TAFA1: variants seen among roughly 807,000 people sequenced by gnomAD.
TAFA1 encodes the protein chemokine-like protein TAFA-1.
TAFA1 carries 4 observed loss-of-function variants against 18.5 expected under a neutral mutation model. That is an observed-to-expected ratio of 0.22 (90% CI 0.11 to 0.49). The LOEUF (loss-of-function observed/expected upper bound fraction) is 0.49, where lower values mean the gene tolerates loss of function less well. Ranked by LOEUF, TAFA1 falls within the 20% of genes least tolerant of loss-of-function variation. TAFA1 has a pLI of 0.98. For synonymous variants in TAFA1, 56 were observed against 55.2 expected (o/e 1.01, Z -0.06); for missense variants, 147 against 169.0 (o/e 0.87, Z 0.72).
chr3:68,235,542 A>T lies in TAFA1; in HGVS notation c.119-181738A>T, dbSNP rs150485592. Among the ~76,000 whole-genome samples the T allele has an allele frequency of 6.6e-4, 100 of 152,262 alleles. 2 individuals are homozygous for T. In the East Asian group the frequency reaches 0.019, roughly 29 times the overall value. ...AATAAATAACAGCTTCTGGGAATGG[A>T]GAACTTTTGTTTGTATTGGCTCAAT... On this transcript the variant is annotated intron_variant, in intron 2 of 4. Coordinates refer to ENST00000478136, the MANE Select transcript of TAFA1 (RefSeq NM_213609.4).
intron 2 of TAFA1, among the ~76,000 whole-genome samples, chr3:68,179,135 A>C (rs1203092692): frequency 1.3e-5 from 2 of 152,218 alleles, no homozygotes; most frequent in Non-Finnish European, 2.9e-5. Flanking sequence ...AACACACATC[A>C]TCATTCATAA....
At chr3:68,029,590 G>T (rs1234625181) in intron 2 of TAFA1, among the ~76,000 whole-genome samples, 1 of 152,088 alleles carries the variant, frequency 6.6e-6, no homozygotes, top group Non-Finnish European at 1.5e-5. Context: ...TGAAGCCTGG[G>T]ACCTCCTTGT....
chr3:68,376,429 C>T (rs2069819049), intron 2 of TAFA1, among the ~76,000 whole-genome samples: 1 of 151,956 alleles, frequency 6.6e-6, no homozygotes, highest in Non-Finnish European at 1.5e-5. Flanking sequence ...CAAGTAGGCC[C>T]CTGTGTGTGT....
chr3:68,410,592 C>A (rs1380387779), intron 2 of TAFA1, among the ~76,000 whole-genome samples: 5 of 149,288 alleles, frequency 3.3e-5, no homozygotes, highest in African/African-American at 1.2e-4. Flanking sequence ...TCCATACTAG[C>A]CTGTTCTTTA....
intron 3 of TAFA1, among the ~76,000 whole-genome samples, chr3:68,491,012 T>C (rs1254684850): frequency 6.6e-6 from 1 of 151,960 alleles, no homozygotes; most frequent in Non-Finnish European, 1.5e-5. Flanking sequence ...CTAAGTTTTG[T>C]ACTTTTTATA....
At position 68,040,909 on chromosome 3, in the gene TAFA1, CTT is replaced by C. The variant is rs759997386; in HGVS notation, c.118+34171_118+34172del. On this transcript the variant is annotated intron_variant, in intron 2 of 4. Transcript: ENST00000478136. The stretch of plus-strand genomic sequence containing the variant: ...TAGTAAATTCCTTTCTGTTTCAAAA[CTT>C]TTTTTCTTTAATAACACATACATCG... Among the ~76,000 whole-genome samples the C allele has an allele frequency of 3.9e-5, 6 of 152,254 alleles. No individual in the cohort carries two copies. In the South Asian group the frequency reaches 1.2e-3, roughly 32 times the overall value.
chr3:68,142,597 A>AATCTGTTTTGATTTGTGTGTG (rs1200625438), intron 2 of TAFA1, among the ~76,000 whole-genome samples: 1 of 152,196 alleles, frequency 6.6e-6, no homozygotes, highest in East Asian at 1.9e-4. Flanking sequence ...TGTGTTATCA[A>AATCTGTTTTGATTTGTGTGTG]TTAAAGTCTA....
At chr3:68,518,094 A>G (rs1041682902) in intron 3 of TAFA1, among the ~76,000 whole-genome samples, 1 of 152,090 alleles carries the variant, frequency 6.6e-6, no homozygotes, top group Non-Finnish European at 1.5e-5. Flanking sequence ...GCAAATTCCT[A>G]CTGATCCTTT....
intron 2 of TAFA1, among the ~76,000 whole-genome samples, chr3:68,193,598 T>C (rs542457740): frequency 6.6e-6 from 1 of 151,966 alleles, no homozygotes; most frequent in African/African-American, 2.4e-5. Context: ...GAGTGTAGTT[T>C]CCATTATCAT....
At chr3:68,240,422 A>C (rs1559571940) in intron 2 of TAFA1, among the ~76,000 whole-genome samples, 1 of 152,154 alleles carries the variant, frequency 6.6e-6, no homozygotes, top group Non-Finnish European at 1.5e-5. Flanking sequence ...TCATTGGTCA[A>C]CTCCATAGGA....
At chr3:68,389,023 C>A (rs6549119) in intron 2 of TAFA1, among the ~76,000 whole-genome samples, 4,551 of 152,220 alleles carry the variant, frequency 0.03, 93 homozygotes, top group East Asian at 0.093. Flanking sequence ...TTAAAGGTCA[C>A]ATTACTATTT....
intron 3 of TAFA1, among the ~76,000 whole-genome samples, chr3:68,433,394 A>G (rs1219509592): frequency 6.6e-6 from 1 of 152,092 alleles, no homozygotes; most frequent in Non-Finnish European, 1.5e-5. Context: ...TATTGCCTGA[A>G]GTCTTTATCA....
In TAFA1 at chr3:68,004,508, C is replaced by A. The variant is rs752932805; in HGVS notation, c.-198C>A. 6.6e-6 allele frequency: 1 copy of A among 151,954 alleles called. No individual in the cohort carries two copies. The highest frequency in any genetic ancestry group is 1.5e-5 in the Non-Finnish European group (1 of 68,020). 9.4% of individuals were successfully genotyped at this position (151,954 alleles called of 1,614,324 possible). ...TTCTGACAATACAGTCTGAATGAAC[C>A]CGATGTCTTTTTTTTTACTGTGGAA... On this transcript the variant is annotated 5_prime_UTR_variant, in exon 1 of 5. Coordinates refer to ENST00000478136, the MANE Select transcript of TAFA1 (RefSeq NM_213609.4).
rs150358663 is a variant in TAFA1 at position 68,151,619 on chromosome 3, C to T, written c.118+144875C>T. On this transcript the variant is annotated intron_variant, in intron 2 of 4. Coordinates refer to ENST00000478136, the MANE Select transcript of TAFA1 (RefSeq NM_213609.4). ...AACTGAGAAAAGGGAACCAAACTCA[C>T]GATTTTCATCAGCAACTGACTCCAG... Among the ~76,000 whole-genome samples, 51 of 152,240 alleles carry T rather than the reference C, an allele frequency of 3.3e-4. No individual in the cohort carries two copies. In the East Asian group the frequency reaches 9.7e-3, roughly 29 times the overall value.
At chr3:68,226,618 C>G (rs922803122) in intron 2 of TAFA1, among the ~76,000 whole-genome samples, 1 of 152,114 alleles carries the variant, frequency 6.6e-6, no homozygotes, top group East Asian at 1.9e-4. Context: ...CCCTCCTCTT[C>G]TTCATATTAA....
chr3:68,187,107 A>C (rs1283365338), intron 2 of TAFA1, among the ~76,000 whole-genome samples: 1 of 152,000 alleles, frequency 6.6e-6, no homozygotes, highest in East Asian at 1.9e-4. Flanking sequence ...TTCTGAGTAA[A>C]TTCATTTTAC....
chr3:68,163,861 G>T (rs569622573), intron 2 of TAFA1, among the ~76,000 whole-genome samples: 2 of 152,146 alleles, frequency 1.3e-5, no homozygotes, highest in Non-Finnish European at 2.9e-5. Context: ...GTCAAACTCT[G>T]CCAGGGAACT....
chr3:68,419,160 A>G (rs774349504), intron 3 of TAFA1, among the ~76,000 whole-genome samples: 1 of 152,158 alleles, frequency 6.6e-6, no homozygotes, highest in Non-Finnish European at 1.5e-5. Flanking sequence ...AGAAGCCTTT[A>G]TATGTCACCT....
At chr3:68,396,900 C>A (rs1256612837) in intron 2 of TAFA1, among the ~76,000 whole-genome samples, 1 of 152,138 alleles carries the variant, frequency 6.6e-6, no homozygotes, top group Non-Finnish European at 1.5e-5. Context: ...ATTTTAAGGT[C>A]CACTATGAAT....
Sources: gnomAD v4.1 joint callset for allele counts (sites outside exome capture counted in the v4.1 genomes callset) on GRCh38, gnomAD v4.1.1 for gene constraint, MANE v1.5 for transcripts, NCBI Gene and HGNC (gene_info 2026-07-23, HGNC 2026-07-21) for gene names.